Variants in TMF1 observed in about 807,000 individuals in gnomAD.
TMF1 encodes TATA element modulatory factor 1.
A neutral mutation model predicts 126.5 loss-of-function variants in TMF1; 71 were observed. The observed-to-expected ratio is 0.56, with a 90% CI of 0.46 to 0.68. The LOEUF is 0.68. TMF1 is among the 30% of genes least tolerant of loss of function. The pLI is 0.00. For missense variants in TMF1, 1,259 were observed against 1,253.2 expected (o/e 1.00, Z -0.07); for synonymous variants, 461 against 430.5 (o/e 1.07, Z -0.88).
At chr3:69,042,998 G>A in intron 4 of TMF1, 86 bp from the exon 5 acceptor site, 1 of 918,924 alleles carries the variant, frequency 1.1e-6, no homozygotes, top group South Asian at 1.6e-5. Context: ...CAAAGAAGCT[G>A]TCCATAATCA....
At chr3:69,045,551 G>A (rs1285590480) in intron 2 of TMF1, among the ~76,000 whole-genome samples, 1 of 152,054 alleles carries the variant, frequency 6.6e-6, no homozygotes, top group Non-Finnish European at 1.5e-5. Context: ...AGGCTGAGGA[G>A]GGCAGATCAC....
chr3:69,035,660 C>A (rs906436831), intron 8 of TMF1, among the ~76,000 whole-genome samples: 7 of 152,060 alleles, frequency 4.6e-5, no homozygotes, highest in Admixed American at 6.5e-5. Context: ...CTAGCAAAAA[C>A]AAAACTGGAA....
chr3:69,045,972 C>A (rs538860753), intron 2 of TMF1, among the ~76,000 whole-genome samples: 1 of 152,052 alleles, frequency 6.6e-6, no homozygotes, highest in South Asian at 2.1e-4. Flanking sequence ...GGGAGGACTG[C>A]TTGAGCCCAG....
At chr3:69,037,310 C>T (rs181972780) in intron 8 of TMF1, among the ~76,000 whole-genome samples, 127 of 152,098 alleles carry the variant, frequency 8.3e-4, no homozygotes, top group East Asian at 6.2e-3. Context: ...CTGGCTAACA[C>T]GCTGAAACCC....
rs2107463531 is a variant in TMF1, at chr3:69,038,441, C to T, written c.2151+123G>A. 5 of 1,083,132 alleles carry T rather than the reference C, an allele frequency of 4.6e-6. No homozygotes were observed. In the East Asian group the frequency reaches 7.4e-5, roughly 16 times the overall value. The allele number at this position is 1,083,132 out of a possible 1,614,324, so 67.1% of individuals were successfully genotyped here. ...ACAACTGGTTAAATTTAGCAGAATC[C>T]AGTACTCTGAAATCTAACACATGTA... On this transcript the variant is annotated intron_variant, in intron 8 of 16. Coordinates refer to ENST00000398559, the MANE Select transcript of TMF1 (RefSeq NM_007114.3).
intron 8 of TMF1, 96 bp downstream of exon 8, chr3:69,038,468 C>A: frequency 7.5e-7 from 1 of 1,329,876 alleles, no homozygotes. Flanking sequence ...ACACATGTAT[C>A]ACTACATTGT....
chr3:69,036,445 G>A (rs1307131042), intron 8 of TMF1, among the ~76,000 whole-genome samples: 13 of 152,186 alleles, frequency 8.5e-5, no homozygotes, highest in Admixed American at 1.3e-4. Flanking sequence ...ATAATAAACT[G>A]TCATTTATGT....
chr3:69,045,963 G>C (rs2091893581), intron 2 of TMF1, among the ~76,000 whole-genome samples: 1 of 151,800 alleles, frequency 6.6e-6, no homozygotes, highest in African/African-American at 2.4e-5. Context: ...GGATTAGGTG[G>C]GAGGACTGCT....
At chr3:69,025,045 G>C (rs1258487620) in intron 15 of TMF1, 1 of 152,242 alleles carries the variant, frequency 6.6e-6, no homozygotes, top group Non-Finnish European at 1.5e-5. Flanking sequence ...TAAGATGGAA[G>C]GATGCTCCAT....
At chr3:69,031,748 C>T (rs1438133755) in intron 10 of TMF1, among the ~76,000 whole-genome samples, 1 of 152,174 alleles carries the variant, frequency 6.6e-6, no homozygotes, top group Admixed American at 6.5e-5. Flanking sequence ...TCACATTTTA[C>T]ACTCTGCTCC....
chr3:69,046,629 A>C (rs555275161), intron 2 of TMF1, among the ~76,000 whole-genome samples: 10 of 152,186 alleles, frequency 6.6e-5, no homozygotes, highest in Non-Finnish European at 1.5e-4. Context: ...TGTATATCTA[A>C]AAGTCACAGT....
At chr3:69,031,027 T>A (rs543343163) in intron 10 of TMF1, among the ~76,000 whole-genome samples, 40 of 152,276 alleles carry the variant, frequency 2.6e-4, no homozygotes, top group Admixed American at 2.3e-3. Flanking sequence ...TGGTTAAATA[T>A]ACGTGGTACA....
At chr3:69,033,235 C>T (rs1158957463) in intron 10 of TMF1, among the ~76,000 whole-genome samples, 2 of 138,904 alleles carry the variant, frequency 1.4e-5, no homozygotes, top group African/African-American at 5.4e-5. Flanking sequence ...GATCGCGCCA[C>T]TGCACTCCAG....
intron 4 of TMF1, 78 bp downstream of exon 4, chr3:69,043,672 T>C: frequency 1.5e-6 from 2 of 1,294,224 alleles, no homozygotes; most frequent in Non-Finnish European, 1.1e-6. Flanking sequence ...TTTTCCAATA[T>C]CAAAATACGA....
chr3:69,045,229 G>C (rs371744049), intron 2 of TMF1, among the ~76,000 whole-genome samples: 1 of 152,060 alleles, frequency 6.6e-6, no homozygotes, highest in South Asian at 2.1e-4. Context: ...AGGCTGAGGT[G>C]GGGGGATCAC....
At chr3:69,034,135 C>G (rs943013828) in intron 9 of TMF1, among the ~76,000 whole-genome samples, 1 of 152,068 alleles carries the variant, frequency 6.6e-6, no homozygotes, top group Admixed American at 6.6e-5. Context: ...TCTAACTGTT[C>G]AATCCTTCCA....
In TMF1 at chr3:69,021,667, AAAATT is replaced by A. The variant is rs1307574405; in HGVS notation, c.*1505_*1509del. The A allele has an allele frequency of 1.3e-5, 2 of 151,806 alleles. No individual in the cohort carries two copies. The highest frequency in any genetic ancestry group is 4.8e-5 in the African/African-American group (2 of 41,360). The allele number at this position is 151,806 out of a possible 1,614,324, so 9.4% of individuals were successfully genotyped here. On this transcript the variant is annotated 3_prime_UTR_variant, in exon 17 of 17. Transcript: ENST00000398559. Reference sequence around the variant, plus strand: ...AGTACTAGTGTTTTAATTTTAACTAAAAATTAAATAAGAGTTTGTTTTTTTTTTTT... The same window carrying A: ...AGTACTAGTGTTTTAATTTTAACTAAAAATAAGAGTTTGTTTTTTTTTTTT...
intron 2 of TMF1, among the ~76,000 whole-genome samples, chr3:69,046,076 G>A (rs912052432): frequency 2.0e-5 from 3 of 151,956 alleles, no homozygotes; most frequent in African/African-American, 4.8e-5. Context: ...ACCACTGCAC[G>A]CTAGCCTGGA....
intron 8 of TMF1, among the ~76,000 whole-genome samples, chr3:69,036,137 T>C (rs772445278): frequency 1.3e-5 from 2 of 152,138 alleles, no homozygotes; most frequent in Non-Finnish European, 2.9e-5. Context: ...ATTATAAAAC[T>C]GTAAAGAGAT....
Sources: gnomAD v4.1 joint callset for allele counts (sites outside exome capture counted in the v4.1 genomes callset) on GRCh38, gnomAD v4.1.1 for gene constraint, MANE v1.5 for transcripts, NCBI Gene and HGNC (gene_info 2026-07-23, HGNC 2026-07-21) for gene names.